Variants in NRP1 observed in about 807,000 individuals in gnomAD.
NRP1 encodes neuropilin-1.
NRP1 carries 35 observed loss-of-function variants against 106.7 expected under a neutral mutation model. The ratio of observed to expected loss-of-function variants is 0.33; its 90% CI spans 0.25 to 0.43. The LOEUF (loss-of-function observed/expected upper bound fraction) is 0.43, where lower values mean the gene tolerates loss of function less well. NRP1 is among the 20% of genes least tolerant of loss of function. NRP1 has a pLI of 1.00. For synonymous variants in NRP1, 437 were observed against 417.9 expected (o/e 1.05, Z -0.56); for missense variants, 1,024 against 1,170.4 (o/e 0.87, Z 1.83).
At chr10:33,312,070 G>C (rs989226284) in intron 2 of NRP1, among the ~76,000 whole-genome samples, 17 of 152,142 alleles carry the variant, frequency 1.1e-4, no homozygotes, top group African/African-American at 4.1e-4. Context: ...TGGCTCAGGA[G>C]GACCAAATGG....
At chr10:33,231,200 A>ATGAT (rs1375443450) in intron 6 of NRP1, among the ~76,000 whole-genome samples, 2 of 152,278 alleles carry the variant, frequency 1.3e-5, no homozygotes, top group South Asian at 4.1e-4. Context: ...TCATGTCCCC[A>ATGAT]TCACTGAATT....
At chr10:33,206,053 G>T in intron 10 of NRP1, 1 of 373,330 alleles carries the variant, frequency 2.7e-6, no homozygotes, top group Non-Finnish European at 5.4e-6. Flanking sequence ...AGTCAGTTAG[G>T]TCAGATCTCT....
At chr10:33,302,578 G>T (rs556277177) in intron 2 of NRP1, among the ~76,000 whole-genome samples, 3 of 152,326 alleles carry the variant, frequency 2.0e-5, no homozygotes, top group African/African-American at 7.2e-5. Flanking sequence ...CAGGCAATTT[G>T]CCAGGACTCC....
At chr10:33,311,224 T>C (rs1846586667) in intron 2 of NRP1, among the ~76,000 whole-genome samples, 1 of 152,034 alleles carries the variant, frequency 6.6e-6, no homozygotes, top group South Asian at 2.1e-4. Context: ...TCTCAGAGGG[T>C]CTAGGACCCC....
intron 3 of NRP1, among the ~76,000 whole-genome samples, chr10:33,264,419 C>G (rs1842781364): frequency 6.6e-6 from 1 of 152,192 alleles, no homozygotes; most frequent in Admixed American, 6.5e-5. Context: ...GGGTGAGTGA[C>G]TCATTCTGAG....
At chr10:33,206,225 A>G in intron 10 of NRP1, 2 of 519,030 alleles carry the variant, frequency 3.9e-6, no homozygotes, top group Non-Finnish European at 7.7e-6. Context: ...CCTTTTCCAG[A>G]TGACCACATT....
intron 6 of NRP1, among the ~76,000 whole-genome samples, chr10:33,229,821 AT>A (rs200494335): frequency 2.9e-4 from 44 of 150,578 alleles, no homozygotes; most frequent in African/African-American, 7.1e-4. Flanking sequence ...AAAAAGAAAG[AT>A]TTTTTTTTTC....
intron 6 of NRP1, among the ~76,000 whole-genome samples, chr10:33,231,537 T>A (rs1358582010): frequency 1.3e-5 from 2 of 152,246 alleles, no homozygotes; most frequent in Non-Finnish European, 2.9e-5. Flanking sequence ...GCCACTATTT[T>A]TTCTACATCA....
intron 2 of NRP1, among the ~76,000 whole-genome samples, chr10:33,295,216 C>T (rs1291149476): frequency 1.3e-5 from 2 of 152,068 alleles, no homozygotes; most frequent in Non-Finnish European, 2.9e-5. Context: ...CCAAGGTTTT[C>T]CAGTTGTTCA....
intron 2 of NRP1, among the ~76,000 whole-genome samples, chr10:33,301,227 A>T (rs1409715864): frequency 6.6e-6 from 1 of 152,204 alleles, no homozygotes. Flanking sequence ...AGGGCTTGAC[A>T]GCCTGTTCGC....
At chr10:33,267,961 C>T (rs772108592) in intron 3 of NRP1, among the ~76,000 whole-genome samples, 2 of 152,092 alleles carry the variant, frequency 1.3e-5, no homozygotes, top group Non-Finnish European at 2.9e-5. Flanking sequence ...GACCTCACAC[C>T]GGAAACCTCA....
chr10:33,222,830 T>A (rs1034521397), intron 7 of NRP1, among the ~76,000 whole-genome samples: 26 of 152,172 alleles, frequency 1.7e-4, no homozygotes, highest in Non-Finnish European at 3.2e-4. Flanking sequence ...GTCATTTTAT[T>A]CTAAGAAAGA....
chr10:33,262,730 C>T (rs1588874309), intron 4 of NRP1, among the ~76,000 whole-genome samples: 1 of 146,872 alleles, frequency 6.8e-6, no homozygotes, highest in African/African-American at 2.5e-5. Flanking sequence ...AAAGTCTAAC[C>T]TCACCACCCT....
rs148435065 is a variant in NRP1 at position 33,182,833 on chromosome 10, G to GCACACACACACACACA, written c.2432-101_2432-86dup. On this transcript the variant is annotated intron_variant, in intron 15 of 16. Coordinates refer to ENST00000374867, the MANE Select transcript of NRP1 (RefSeq NM_003873.7). Reference sequence around the variant, plus strand: ...AAACTACACAAACCTTTAGGTACATGCACACACACACACACACACACACAC... The same window carrying GCACACACACACACACA: ...AAACTACACAAACCTTTAGGTACATGCACACACACACACACACACACACACACACACACACACACAC... 1.0e-3 allele frequency: 760 copies of GCACACACACACACACA among 747,380 alleles called. 9 individuals are homozygous for GCACACACACACACACA. In the African/African-American group the frequency reaches 0.012, roughly 12 times the overall value. 46.3% of individuals were successfully genotyped at this position (747,380 alleles called of 1,614,324 possible).
intron 2 of NRP1, 118 bp from the exon 3 acceptor site, chr10:33,270,974 T>C: frequency 1.3e-6 from 1 of 785,730 alleles, no homozygotes; most frequent in South Asian, 2.3e-5. Flanking sequence ...AAGTTCTATC[T>C]GCATTCATCA....
chr10:33,222,145 T>G (rs1270781290), intron 7 of NRP1, among the ~76,000 whole-genome samples: 3 of 152,176 alleles, frequency 2.0e-5, no homozygotes, highest in Non-Finnish European at 4.4e-5. Context: ...TGCTATTATC[T>G]AAAAAGTGTG....
In NRP1 at chr10:33,258,982, T is replaced by C. The variant is rs12263582; in HGVS notation, c.659-2511A>G. On this transcript the variant is annotated intron_variant, in intron 4 of 16. Coordinates refer to ENST00000374867, the MANE Select transcript of NRP1 (RefSeq NM_003873.7). ...GTTTTTTCTTTAGTTTGTGGGCAAATGTTTACAGCCCTAATCCTTGGGGTC... is the reference window on the plus strand; with the variant it reads ...GTTTTTTCTTTAGTTTGTGGGCAAACGTTTACAGCCCTAATCCTTGGGGTC... Among the ~76,000 whole-genome samples the C allele has an allele frequency of 9.6e-3, 1,465 of 152,218 alleles. 21 individuals carry two copies. Among genetic ancestry groups the C allele is most frequent in the African/African-American group, 0.032 (1,344 of 41,524 alleles).
Position 33,324,011 on chromosome 10 carries a change from C to T in NRP1, c.248+6697G>A, listed in dbSNP as rs569361779. ...TTGATTCAGTCTGATAAGATTTCAA[C>T]CAACCTTCTCCTTTAGCTCGCAAAA... is the stretch of plus-strand genomic sequence containing the variant. On this transcript the variant is annotated intron_variant, in intron 2 of 16. Coordinates refer to ENST00000374867, the MANE Select transcript of NRP1 (RefSeq NM_003873.7). 2.6e-5 allele frequency among the ~76,000 whole-genome samples: 4 copies of T among 152,272 alleles called. No individual in the cohort carries two copies. In the South Asian group the frequency reaches 8.3e-4, roughly 32 times the overall value.
At chr10:33,314,519 T>C (rs1846877790) in intron 2 of NRP1, among the ~76,000 whole-genome samples, 1 of 152,204 alleles carries the variant, frequency 6.6e-6, no homozygotes, top group African/African-American at 2.4e-5. Context: ...GAGAGTAACA[T>C]TGAAGAGCTA....
Sources: gnomAD v4.1 joint callset for allele counts (sites outside exome capture counted in the v4.1 genomes callset) on GRCh38, gnomAD v4.1.1 for gene constraint, MANE v1.5 for transcripts, NCBI Gene and HGNC (gene_info 2026-07-23, HGNC 2026-07-21) for gene names.